MAD1L1: variants seen among roughly 807,000 people sequenced by gnomAD.
MAD1L1 encodes mitotic spindle assembly checkpoint protein MAD1.
Under a neutral mutation model 96.9 loss-of-function variants are expected in MAD1L1, and 95 were observed. The observed-to-expected ratio is 0.98, with a 90% CI of 0.83 to 1.16. MAD1L1 has a LOEUF of 1.16. Among genes scored for constraint, MAD1L1 ranks in the 50% most tolerant of loss-of-function variants. The probability of loss-of-function intolerance (pLI) is 0.00; values close to 1 mark genes in which losing one functional copy is unlikely to be tolerated. For synonymous variants in MAD1L1, 473 were observed against 396.6 expected (o/e 1.19, Z -2.29); for missense variants, 1,007 against 954.4 (o/e 1.06, Z -0.73).
intron 11 of MAD1L1, among the ~76,000 whole-genome samples, chr7:2,128,079 T>C (rs1008233263): frequency 1.3e-5 from 2 of 152,120 alleles, no homozygotes; most frequent in African/African-American, 4.8e-5. Flanking sequence ...TTACAACTCA[T>C]CAACTCGGGC....
At chr7:2,115,657 A>G (rs1787648472) in intron 11 of MAD1L1, among the ~76,000 whole-genome samples, 1 of 152,230 alleles carries the variant, frequency 6.6e-6, no homozygotes, top group African/African-American at 2.4e-5. Flanking sequence ...TGGCGTGTCA[A>G]TGCCGGGCCT....
intron 11 of MAD1L1, among the ~76,000 whole-genome samples, chr7:2,075,078 G>A (rs1306543541): frequency 6.6e-6 from 1 of 152,214 alleles, no homozygotes; most frequent in Non-Finnish European, 1.5e-5. Context: ...CAAGGAGCAG[G>A]CTGGCATGTG....
At chr7:2,155,179 G>C (rs1260141184) in intron 10 of MAD1L1, among the ~76,000 whole-genome samples, 1 of 152,086 alleles carries the variant, frequency 6.6e-6, no homozygotes, top group Non-Finnish European at 1.5e-5. Context: ...GCGAGCAAAG[G>C]GGGGTCCTCA....
chr7:1,995,427 T>G lies in MAD1L1; in HGVS notation c.1416+6638A>C, dbSNP rs139137186. On this transcript the variant is annotated intron_variant, in intron 14 of 18. Coordinates refer to ENST00000265854, the MANE Select transcript of MAD1L1 (RefSeq NM_001013836.2). Reference sequence around the variant, plus strand: ...GACTCCAGGGAGGCTCCCCGCTTCCTCTCTCCACCCTGAGGACCAGGCAGT... The same window carrying G: ...GACTCCAGGGAGGCTCCCCGCTTCCGCTCTCCACCCTGAGGACCAGGCAGT... 2.8e-3 allele frequency among the ~76,000 whole-genome samples: 430 copies of G among 152,222 alleles called. 4 individuals are homozygous for G. Among genetic ancestry groups the G allele is most frequent in the African/African-American group, 9.8e-3 (406 of 41,540 alleles).
At position 1,975,848 on chromosome 7, in the gene MAD1L1, G is replaced by A. The variant is rs1323265162; in HGVS notation, c.1505+4605C>T. Among the ~76,000 whole-genome samples the A allele has an allele frequency of 4.6e-5, 7 of 152,152 alleles. No homozygotes were observed. The East Asian group carries it at 1.3e-3, about 29-fold the overall frequency. The stretch of plus-strand genomic sequence containing the variant: ...CCAGAAGACATCACACGGCCGGGAA[G>A]CGAGGGTCCGAGTGTGACTAGCAGG... On this transcript the variant is annotated intron_variant, in intron 15 of 18. Transcript: ENST00000265854.
rs887042267 is a variant in MAD1L1, at chr7:2,030,364, T to C, written c.1219-15722A>G. ...GGATGGTGACTGAATTAGAGGGCGA[T>C]TGTAACAGAATGCAATTCTACTATT... is the stretch of plus-strand genomic sequence containing the variant. On this transcript the variant is annotated intron_variant, in intron 12 of 18. Coordinates refer to ENST00000265854, the MANE Select transcript of MAD1L1 (RefSeq NM_001013836.2). 2.6e-5 allele frequency among the ~76,000 whole-genome samples: 4 copies of C among 152,206 alleles called. No homozygotes were observed. The East Asian group carries it at 5.8e-4, about 22-fold the overall frequency.
chr7:1,932,568 C>T (rs948694517), intron 17 of MAD1L1, among the ~76,000 whole-genome samples: 3 of 152,382 alleles, frequency 2.0e-5, no homozygotes, highest in South Asian at 2.1e-4. Flanking sequence ...TGCTAGGAAA[C>T]GCTAGATGAC....
At chr7:2,122,431 C>T (rs1005254911) in intron 11 of MAD1L1, among the ~76,000 whole-genome samples, 4 of 152,088 alleles carry the variant, frequency 2.6e-5, no homozygotes, top group Non-Finnish European at 2.9e-5. Flanking sequence ...AGTTCGAGAC[C>T]AGCCTAACAC....
intron 13 of MAD1L1, among the ~76,000 whole-genome samples, chr7:2,009,570 C>T (rs1218808674): frequency 1.3e-5 from 2 of 152,202 alleles, no homozygotes; most frequent in African/African-American, 4.8e-5. Context: ...CCAGCACCTG[C>T]CCCTGGGTGA....
At chr7:1,837,583 G>C (rs1277905400) in intron 18 of MAD1L1, among the ~76,000 whole-genome samples, 1 of 152,256 alleles carries the variant, frequency 6.6e-6, no homozygotes, top group Non-Finnish European at 1.5e-5. Flanking sequence ...AGACATTGTG[G>C]TCTATCCGTA....
chr7:2,140,193 C>G (rs1017514430), intron 11 of MAD1L1, among the ~76,000 whole-genome samples: 1 of 152,228 alleles, frequency 6.6e-6, no homozygotes, highest in Non-Finnish European at 1.5e-5. Flanking sequence ...CTTGTCAATC[C>G]TTGGTGGCTT....
At chr7:1,971,596 A>G (rs1259758051) in intron 15 of MAD1L1, among the ~76,000 whole-genome samples, 2 of 152,238 alleles carry the variant, frequency 1.3e-5, no homozygotes, top group Non-Finnish European at 2.9e-5. Context: ...TAAAGACGGT[A>G]GCTTGAACAC....
In MAD1L1 at chr7:1,968,537, G is replaced by A. The variant is rs1022528356; in HGVS notation, c.1506-10818C>T. On this transcript the variant is annotated intron_variant, in intron 15 of 18. Transcript: ENST00000265854. This position sits in a 1 kb window ranked among gnomAD's most constrained non-coding sequence, Gnocchi z 5.6. ...GGTCAGGTCCACCGTCAATGCCAGCGGTCATGTCCACCATCAACGCCTCAG... is the reference window on the plus strand; with the variant it reads ...GGTCAGGTCCACCGTCAATGCCAGCAGTCATGTCCACCATCAACGCCTCAG... 6.7e-6 allele frequency among the ~76,000 whole-genome samples: 1 copy of A among 149,094 alleles called. No individual in the cohort carries two copies. Among genetic ancestry groups the A allele is most frequent in the South Asian group, 2.2e-4 (1 of 4,640 alleles).
intron 11 of MAD1L1, among the ~76,000 whole-genome samples, chr7:2,076,965 G>A (rs1785405759): frequency 1.4e-5 from 2 of 146,080 alleles, no homozygotes; most frequent in South Asian, 2.1e-4. Context: ...GCGGCACGGT[G>A]AGCCCGCAGC....
At chr7:2,213,627 T>A (rs1041578375) in intron 9 of MAD1L1, among the ~76,000 whole-genome samples, 4 of 152,110 alleles carry the variant, frequency 2.6e-5, no homozygotes, top group African/African-American at 9.7e-5. Flanking sequence ...CCTTGAGCCG[T>A]TAGGACTCAT....
At chr7:2,151,023 G>A (rs1680203218) in intron 10 of MAD1L1, among the ~76,000 whole-genome samples, 1 of 152,220 alleles carries the variant, frequency 6.6e-6, no homozygotes, top group African/African-American at 2.4e-5. Flanking sequence ...CTGAACTCTA[G>A]GACAGAGATG....
chr7:2,136,087 C>T (rs1377643308), intron 11 of MAD1L1, among the ~76,000 whole-genome samples: 1 of 152,106 alleles, frequency 6.6e-6, no homozygotes, highest in Non-Finnish European at 1.5e-5. Context: ...AACAGGAAGC[C>T]GCACTTGCCC....
intron 11 of MAD1L1, among the ~76,000 whole-genome samples, chr7:2,144,333 C>T (rs1348819276): frequency 6.6e-6 from 1 of 152,224 alleles, no homozygotes; most frequent in Non-Finnish European, 1.5e-5. Context: ...CGTCATTCAT[C>T]GCCGGGATTA....
chr7:2,146,434 G>A lies in MAD1L1; in HGVS notation c.1073+2718C>T, dbSNP rs748624145. ...CTACGAGGAACAGGGCAGTGGAGCC[G>A]CACCCTGAGAAGCTCCTCAGATGGC... On this transcript the variant is annotated intron_variant, in intron 11 of 18. Transcript: ENST00000265854. This position sits in a 1 kb window ranked among gnomAD's most constrained non-coding sequence, Gnocchi z 6.2. 1.1e-4 allele frequency among the ~76,000 whole-genome samples: 17 copies of A among 152,304 alleles called. No homozygotes were observed. Among genetic ancestry groups the A allele is most frequent in the Middle Eastern group, 6.8e-3 (2 of 294 alleles).
Sources: allele counts gnomAD v4.1 joint callset (sites outside exome capture counted in the v4.1 genomes callset), GRCh38; gene constraint gnomAD v4.1.1; non-coding constraint Gnocchi (gnomAD v3.1); transcripts MANE v1.5; gene names NCBI Gene and HGNC (gene_info 2026-07-23, HGNC 2026-07-21).